The following PDIA5 variants were observed in gnomAD, a reference collection of about 807,000 sequenced individuals.
The protein encoded by PDIA5 is protein disulfide-isomerase A5.
PDIA5 carries 58 observed loss-of-function variants against 77.6 expected under a neutral mutation model. That is an observed-to-expected ratio of 0.75 (90% CI 0.61 to 0.93). The LOEUF (loss-of-function observed/expected upper bound fraction) is 0.93, where lower values mean the gene tolerates loss of function less well. Ranked by LOEUF, PDIA5 falls within the 40% of genes least tolerant of loss-of-function variation. The probability of loss-of-function intolerance (pLI) is 0.00; values close to 1 mark genes in which losing one functional copy is unlikely to be tolerated. For synonymous variants in PDIA5, 250 were observed against 252.1 expected, an observed-to-expected ratio of 0.99 and a Z score of 0.08; for missense variants, 630 against 647.7, an observed-to-expected ratio of 0.97 and a Z score of 0.30.
chr3:123,071,305 C>T (rs931491854), intron 1 of PDIA5, among the ~76,000 whole-genome samples: 4 of 152,082 alleles, frequency 2.6e-5, no homozygotes, highest in African/African-American at 4.8e-5. Flanking sequence ...GAATGTAAAT[C>T]GGGTTCTTCC....
chr3:123,158,094 A>C (rs1289331173), intron 15 of PDIA5, among the ~76,000 whole-genome samples: 1 of 152,240 alleles, frequency 6.6e-6, no homozygotes, highest in Non-Finnish European at 1.5e-5. Context: ...CTCAGGACAG[A>C]GACCTCATTT....
In PDIA5 at chr3:123,106,788, C is replaced by T. The variant is rs1934744808; in HGVS notation, c.427C>T (p.Leu143=). The change falls in exon 6 of 17, where the codon CTG becomes TTG. Residue 143 remains leucine (L), a synonymous_variant. Coordinates refer to ENST00000316218, the MANE Select transcript of PDIA5 (RefSeq NM_006810.4). ...AFLKDPKGPP[L]WEEDPGAKDV... ...TTTGAAGGATCCAAAAGGGCCCCCACTGTGGGAGGAAGATCCTGGAGCCAA... is the reference window on the plus strand; with the variant it reads ...TTTGAAGGATCCAAAAGGGCCCCCATTGTGGGAGGAAGATCCTGGAGCCAA... The T allele has an allele frequency of 3.7e-6, 6 of 1,612,872 alleles. No homozygotes were observed. The highest frequency in any genetic ancestry group is 5.1e-6 in the Non-Finnish European group (6 of 1,179,624).
chr3:123,102,853 C>A, intron 5 of PDIA5, 57 bp downstream of exon 5: 2 of 1,173,406 alleles, frequency 1.7e-6, no homozygotes, highest in South Asian at 1.2e-5. Flanking sequence ...CGCCCAAAGT[C>A]TGGCAGGTTT....
Position 123,067,033 on chromosome 3 carries a change from C to A in PDIA5, c.-132C>A. ...GCTGCGCATGCTTTGGCAGACGTGG[C>A]ACCGGGAACTCGGAGGCGGGGAGCG... On this transcript the variant is annotated 5_prime_UTR_variant, in exon 1 of 17. Coordinates refer to ENST00000316218, the MANE Select transcript of PDIA5 (RefSeq NM_006810.4). 1 of 704,814 alleles carries A rather than the reference C, an allele frequency of 1.4e-6. No individual in the cohort carries two copies. The highest frequency in any genetic ancestry group is 2.0e-6 in the Non-Finnish European group (1 of 506,044). The allele number at this position is 704,814 out of a possible 1,614,324, so 43.7% of individuals were successfully genotyped here. A position where few individuals can be genotyped will look rare whatever the true frequency, so the allele number is the denominator to read the frequency against.
At chr3:123,145,456 G>A (rs572128129) in intron 11 of PDIA5, 66 bp from the exon 12 acceptor site, 20 of 1,202,708 alleles carry the variant, frequency 1.7e-5, no homozygotes, top group Non-Finnish European at 2.2e-5. Flanking sequence ...TTACAGAGGC[G>A]GCGCAGGGGA....
intron 8 of PDIA5, 109 bp from the exon 9 acceptor site, chr3:123,123,957 T>C (rs1935178557): frequency 1.3e-6 from 1 of 744,716 alleles, no homozygotes; most frequent in Non-Finnish European, 2.4e-6. Flanking sequence ...TCTGTGGGGC[T>C]TTGTCCCATA....
chr3:123,145,459 G>A (rs369599424), intron 11 of PDIA5, 63 bp from the exon 12 acceptor site: 352 of 1,265,988 alleles, frequency 2.8e-4, no homozygotes, highest in Non-Finnish European at 3.6e-4. Context: ...CAGAGGCGGC[G>A]CAGGGGAGCA....
At chr3:123,138,611 G>C (rs1195188643) in intron 11 of PDIA5, among the ~76,000 whole-genome samples, 2 of 152,192 alleles carry the variant, frequency 1.3e-5, no homozygotes, top group African/African-American at 2.4e-5. Flanking sequence ...CAAACTCTTT[G>C]CATAAGAAGA....
intron 11 of PDIA5, 100 bp from the exon 12 acceptor site, chr3:123,145,422 G>A: frequency 3.9e-6 from 3 of 762,702 alleles, no homozygotes; most frequent in East Asian, 2.6e-5. Context: ...TTTCTCAGGT[G>A]TCTGGGAATG....
rs533820605 is a variant in PDIA5, at chr3:123,071,467, G to T, written c.42+4261G>T. 4.6e-5 allele frequency among the ~76,000 whole-genome samples: 7 copies of T among 152,302 alleles called. No individual in the cohort carries two copies. The East Asian group carries it at 1.3e-3, about 29-fold the overall frequency. On this transcript the variant is annotated intron_variant, in intron 1 of 16. Coordinates refer to ENST00000316218, the MANE Select transcript of PDIA5 (RefSeq NM_006810.4). ...TTTAAGGTACACTTATTTAGGTTCT[G>T]TACTTCTCTGGGACGATTATATATT...
intron 3 of PDIA5, among the ~76,000 whole-genome samples, chr3:123,096,819 T>C (rs1934454902): frequency 6.6e-6 from 1 of 152,034 alleles, no homozygotes; most frequent in Non-Finnish European, 1.5e-5. Context: ...TGTGCGGGAG[T>C]TGGTATTCCC....
chr3:123,154,919 C>A (rs1427049455), intron 14 of PDIA5, 52 bp from the exon 15 acceptor site: 1 of 1,227,790 alleles, frequency 8.1e-7, no homozygotes, highest in Non-Finnish European at 1.2e-6. Flanking sequence ...GGCCCTGCAG[C>A]CTCCCTGCAC....
At chr3:123,117,054 A>G (rs1377452598) in intron 8 of PDIA5, among the ~76,000 whole-genome samples, 1 of 151,818 alleles carries the variant, frequency 6.6e-6, no homozygotes, top group Non-Finnish European at 1.5e-5. Flanking sequence ...TGGACCTCAC[A>G]CAGAAGGGCC....
Position 123,106,733 on chromosome 3 carries a change from C to T in PDIA5, c.388-16C>T, listed in dbSNP as rs780035040. On this transcript the variant is annotated splice_polypyrimidine_tract_variant and intron_variant, in intron 5 of 16. Coordinates refer to ENST00000316218, the MANE Select transcript of PDIA5 (RefSeq NM_006810.4). ...AGGGCTAAAATGCATTTTCTCTTCTCTTTTTTTTCCCTCAGTCCATAGTGG... is the reference window on the plus strand; with the variant it reads ...AGGGCTAAAATGCATTTTCTCTTCTTTTTTTTTTCCCTCAGTCCATAGTGG... 6.3e-7 allele frequency: 1 copy of T among 1,578,454 alleles called. No homozygotes were observed.
At chr3:123,108,885 C>CAAAAAAAAAAAAAAA (rs375336044) in intron 6 of PDIA5, among the ~76,000 whole-genome samples, 3 of 151,288 alleles carry the variant, frequency 2.0e-5, no homozygotes, top group African/African-American at 7.3e-5. Flanking sequence ...GACTCCTTCT[C>CAAAAAAAAAAAAAAA]AAAAAAAAGC....
chr3:123,144,176 T>G (rs1278522775), intron 11 of PDIA5, among the ~76,000 whole-genome samples: 2 of 152,182 alleles, frequency 1.3e-5, no homozygotes, highest in South Asian at 2.1e-4. Flanking sequence ...GGAAAGCCGA[T>G]TCCGTAGCTC....
intron 1 of PDIA5, 32 bp downstream of exon 1, chr3:123,067,238 C>G (rs556696059): frequency 5.6e-6 from 7 of 1,239,558 alleles, no homozygotes; most frequent in Middle Eastern, 2.8e-4. Flanking sequence ...CCGGGCCGGG[C>G]CAGCACGTGT....
chr3:123,141,550 T>G (rs836870), intron 11 of PDIA5, among the ~76,000 whole-genome samples: 77,119 of 152,080 alleles, frequency 0.51, 20,308 homozygotes, highest in East Asian at 0.82. Flanking sequence ...AGTTTGTTCA[T>G]GCAGGGTGAG....
At chr3:123,107,974 T>G (rs1934775704) in intron 6 of PDIA5, among the ~76,000 whole-genome samples, 1 of 151,364 alleles carries the variant, frequency 6.6e-6, no homozygotes, top group Non-Finnish European at 1.5e-5. Context: ...AGTTTTTATA[T>G]TTTTTGTAGT....
Sources: allele counts gnomAD v4.1 joint callset (sites outside exome capture counted in the v4.1 genomes callset), GRCh38; gene constraint gnomAD v4.1.1; transcripts MANE v1.5; gene names NCBI Gene and HGNC (gene_info 2026-07-23, HGNC 2026-07-21).